FANCA: variants seen among roughly 807,000 people sequenced by gnomAD.
The protein encoded by FANCA is Fanconi anemia group A protein.
A neutral mutation model predicts 194.3 loss-of-function variants in FANCA; 236 were observed. That is an observed-to-expected ratio of 1.21 (90% CI 1.09 to 1.35). The LOEUF is 1.35. Ranked by LOEUF, FANCA falls within the 40% of genes most tolerant of loss-of-function variation. The pLI, the probability that FANCA is intolerant of heterozygous loss-of-function variation, is 0.00. For missense variants in FANCA, 2,628 were observed against 1,813.9 expected, an observed-to-expected ratio of 1.45 and a Z score of -8.15; for synonymous variants, 1,014 against 715.8, an observed-to-expected ratio of 1.42 and a Z score of -6.65.
chr16:89,745,178 A>G, intron 35 of FANCA, 107 bp from the exon 36 acceptor site: 1 of 1,049,538 alleles, frequency 9.5e-7, no homozygotes, highest in East Asian at 2.6e-5. Flanking sequence ...CTACAGGCCC[A>G]CACTCGCCCT....
chr16:89,767,242 A>C lies in FANCA; in HGVS notation c.2505-5T>G, dbSNP rs768436599. On this transcript the variant is annotated splice_region_variant and splice_polypyrimidine_tract_variant and intron_variant, in intron 26 of 42. Coordinates refer to ENST00000389301, the MANE Select transcript of FANCA (RefSeq NM_000135.4). ...GAAATTGCTGCTGTACAAAATCTGA[A>C]AACAGAAATTATAACATATAAATGT... 7 of 1,591,738 alleles carry C rather than the reference A, an allele frequency of 4.4e-6. No homozygotes were observed. In the East Asian group the frequency reaches 8.9e-5, roughly 20 times the overall value.
intron 26 of FANCA, among the ~76,000 whole-genome samples, chr16:89,768,018 C>T (rs891434614): frequency 2.0e-5 from 3 of 151,864 alleles, no homozygotes; most frequent in African/African-American, 7.3e-5. Flanking sequence ...TTATACAGGG[C>T]CTTACTCTGA....
At chr16:89,748,595 A>C in intron 33 of FANCA, 64 bp downstream of exon 33, 3 of 1,264,366 alleles carry the variant, frequency 2.4e-6, no homozygotes, top group African/African-American at 1.5e-5. Context: ...GGAGGCTGCA[A>C]GAGCTGCTGT....
intron 30 of FANCA, among the ~76,000 whole-genome samples, chr16:89,754,723 G>C (rs62054638): frequency 0.06 from 9,065 of 152,120 alleles, 416 homozygotes; most frequent in East Asian, 0.22. Context: ...AACACTCTTA[G>C]AACTAATAAA....
chr16:89,786,015 A>ATT (rs67279101), intron 14 of FANCA, among the ~76,000 whole-genome samples: 37,445 of 103,906 alleles, frequency 0.36, 8,339 homozygotes, highest in East Asian at 0.71. Context: ...ACTCCCAGCT[A>ATT]TTTTTTTTTT....
rs2040844773 is a variant in FANCA, at chr16:89,810,725, T to C, written c.504A>G (p.Gln168=). 3.1e-6 allele frequency: 5 copies of C among 1,610,428 alleles called. No homozygotes were observed. Among genetic ancestry groups the C allele is most frequent in the East Asian group, 2.2e-5 (1 of 44,884 alleles). Residue 168 remains glutamine (Q), a synonymous_variant, in exon 5 of 43, where the codon CAA becomes CAG. Coordinates refer to ENST00000389301, the MANE Select transcript of FANCA (RefSeq NM_000135.4). ...AATTTACCTGTATTTTCCATAATTCTTGACAGAAGGAAAGACGGGAGAACA... is the reference window on the plus strand; with the variant it reads ...AATTTACCTGTATTTTCCATAATTCCTGACAGAAGGAAAGACGGGAGAACA... ...HSMFSRLSFC[Q]ELWKIQSSLL... is the part of the protein sequence containing the mutation.
intron 28 of FANCA, among the ~76,000 whole-genome samples, chr16:89,763,255 AAAAT>A (rs2039013740): frequency 6.6e-6 from 1 of 152,100 alleles, no homozygotes; most frequent in African/African-American, 2.4e-5. Context: ...TCCAAAAAAA[AAAAT>A]AATAATTTAA....
chr16:89,740,255 C>G (rs548198509), intron 38 of FANCA, 156 bp from the exon 39 acceptor site: 4 of 714,512 alleles, frequency 5.6e-6, no homozygotes, highest in Non-Finnish European at 5.0e-6. Flanking sequence ...AATACTGGGC[C>G]TCTGGACAGA....
At chr16:89,789,306 T>TCG (rs1289416438) in intron 14 of FANCA, among the ~76,000 whole-genome samples, 18 of 119,894 alleles carry the variant, frequency 1.5e-4, no homozygotes, top group African/African-American at 6.2e-4. Context: ...TCAGAAGGCC[T>TCG]GGGGGGGGAG....
In FANCA at chr16:89,739,236, T is replaced by A. The variant is rs145886270; in HGVS notation, c.4064A>T (p.His1355Leu). Residue 1355 changes from histidine to leucine, a missense_variant, in exon 41 of 43, where the codon CAT (histidine) becomes CTT (leucine). His to Leu is a moderately conservative substitution (Grantham distance 99). Coordinates refer to ENST00000389301, the MANE Select transcript of FANCA (RefSeq NM_000135.4). Reference protein sequence around the residue: ...DAAIREEAFLHVAVDMYLKLV... With the variant: ...DAAIREEAFLLVAVDMYLKLV... ...CTTCAAGTACATGTCCACAGCAACA[T>A]GCAGGAAGGCCTCTTCCCTGATGGC... 146 of 1,614,150 alleles carry A rather than the reference T, an allele frequency of 9.0e-5. No individual in the cohort carries two copies. The highest frequency in any genetic ancestry group is 1.4e-4 in the South Asian group (13 of 91,092).
chr16:89,806,302 G>A (rs924253956), intron 6 of FANCA, among the ~76,000 whole-genome samples: 8 of 150,210 alleles, frequency 5.3e-5, no homozygotes, highest in Non-Finnish European at 1.2e-4. Flanking sequence ...GTGCTCCACA[G>A]TCAGTCAGGT....
chr16:89,803,449 C>A, intron 7 of FANCA, 108 bp from the exon 8 acceptor site: 1 of 962,996 alleles, frequency 1.0e-6, no homozygotes, highest in Non-Finnish European at 1.7e-6. Flanking sequence ...ATGGCTTGGG[C>A]CCACCAGGAC....
At chr16:89,783,627 G>C (rs1187421843) in intron 15 of FANCA, among the ~76,000 whole-genome samples, 3 of 151,904 alleles carry the variant, frequency 2.0e-5, no homozygotes, top group African/African-American at 7.2e-5. Context: ...CCCTAATGTA[G>C]CTGGTCCTGC....
intron 12 of FANCA, 59 bp from the exon 13 acceptor site, chr16:89,792,127 C>G: frequency 6.2e-7 from 1 of 1,604,794 alleles, no homozygotes; most frequent in Admixed American, 1.7e-5. Context: ...CGACAGATGA[C>G]CCCTCACCTT....
intron 13 of FANCA, 127 bp from the exon 14 acceptor site, chr16:89,791,663 G>T: frequency 2.2e-6 from 3 of 1,338,158 alleles, no homozygotes; most frequent in Non-Finnish European, 3.1e-6. Context: ...AGTTTTAAAA[G>T]ACTACACAGC....
At position 89,792,042 on chromosome 16, in the gene FANCA, C is replaced by G. The variant is rs760827355; in HGVS notation, c.1110G>C (p.Glu370Asp). ...GAACTTCTTGCAAATGGCCAACCAA[C>G]TCCTCTGCACTCAGCATCACAAAGA... is the stretch of plus-strand genomic sequence containing the variant. ...RRLFVMLSAE[E>D]LVGHLQEVLE... The change falls in exon 13 of 43, where the codon GAG (glutamate) becomes GAC (aspartate). Residue 370 changes from glutamate (E) to aspartate (D), a missense_variant. Transcript: ENST00000389301. 1.2e-6 allele frequency: 2 copies of G among 1,614,232 alleles called. No individual in the cohort carries two copies. Among genetic ancestry groups the G allele is most frequent in the African/African-American group, 1.3e-5 (1 of 75,072 alleles).
rs750321438 is a variant in FANCA at position 89,799,244 on chromosome 16, G to A, written c.827-12C>T. On this transcript the variant is annotated splice_polypyrimidine_tract_variant and intron_variant, in intron 9 of 42. Coordinates refer to ENST00000389301, the MANE Select transcript of FANCA (RefSeq NM_000135.4). ...AGCGTCAAGTGCAACTGAAGACAGA[G>A]CCAGGAACAGAAAACAGATGTCAGC... 9 of 1,613,662 alleles carry A rather than the reference G, an allele frequency of 5.6e-6. No individual in the cohort carries two copies. Among genetic ancestry groups the A allele is most frequent in the Middle Eastern group, 1.7e-4 (1 of 6,060 alleles).
intron 10 of FANCA, chr16:89,798,240 C>T (rs909025251): frequency 7.7e-6 from 5 of 649,356 alleles, no homozygotes; most frequent in Non-Finnish European, 9.7e-6. Flanking sequence ...ACCCTAGGGG[C>T]ACCCTGACCT....
In FANCA at chr16:89,739,114, G is replaced by T. The variant is rs1486160352; in HGVS notation, c.4167+19C>A. On this transcript the variant is annotated intron_variant, in intron 41 of 42. Coordinates refer to ENST00000389301, the MANE Select transcript of FANCA (RefSeq NM_000135.4). ...CTGGGGGGAGCTCCCCTGGAGGTGG[G>T]ACTGGCCCTTGCACCTGCCTGACCC... The T allele has an allele frequency of 6.2e-7, 1 of 1,614,060 alleles. No homozygotes were observed. The highest frequency in any genetic ancestry group is 8.5e-7 in the Non-Finnish European group (1 of 1,179,988).
Sources: gnomAD v4.1 joint callset for allele counts (sites outside exome capture counted in the v4.1 genomes callset) on GRCh38, gnomAD v4.1.1 for gene constraint, MANE v1.5 for transcripts, NCBI Gene and HGNC (gene_info 2026-07-23, HGNC 2026-07-21) for gene names.